MEGF6: variants seen among roughly 807,000 people sequenced by gnomAD.
MEGF6 encodes multiple epidermal growth factor-like domains protein 6.
A neutral mutation model predicts 207.1 loss-of-function variants in MEGF6; 184 were observed. The observed-to-expected ratio is 0.89, with a 90% CI of 0.79 to 1.00. The LOEUF is 1.00. Among genes scored for constraint, MEGF6 ranks in the 50% least tolerant of loss-of-function variants. MEGF6 has a pLI of 0.00. For synonymous variants in MEGF6, 1,038 were observed against 910.0 expected (o/e 1.14, Z -2.53); for missense variants, 2,282 against 2,202.9 (o/e 1.04, Z -0.72).
At chr1:3,612,619 G>A (rs1028860955), upstream of MEGF6, among the ~76,000 whole-genome samples, 2 of 152,156 alleles carry the variant, frequency 1.3e-5, no homozygotes, top group Non-Finnish European at 2.9e-5. Flanking sequence ...AGAGAGGTGC[G>A]CTGACCATCA....
chr1:3,561,695 A>G (rs1643207227), intron 4 of MEGF6, among the ~76,000 whole-genome samples: 1 of 152,214 alleles, frequency 6.6e-6, no homozygotes, highest in South Asian at 2.1e-4. Flanking sequence ...CCTCTTCCAG[A>G]AACGCAGAAG....
intron 2 of MEGF6, among the ~76,000 whole-genome samples, chr1:3,600,091 G>A (rs898479563): frequency 2.0e-5 from 3 of 152,124 alleles, no homozygotes; most frequent in Non-Finnish European, 4.4e-5. Context: ...CCCCGGCCTG[G>A]GCTGCAGCGC....
At chr1:3,567,751 C>G (rs1539128) in intron 4 of MEGF6, among the ~76,000 whole-genome samples, 58,652 of 152,102 alleles carry the variant, frequency 0.39, 12,298 homozygotes, top group African/African-American at 0.56. Flanking sequence ...GACGCTGCAG[C>G]GACCTTGAAG....
In MEGF6 at chr1:3,559,204, G is replaced by A. The variant is rs185134815; in HGVS notation, c.481+20621C>T. 1.3e-3 allele frequency among the ~76,000 whole-genome samples: 199 copies of A among 152,262 alleles called. 3 individuals carry two copies. The highest frequency in any genetic ancestry group is 4.3e-3 in the African/African-American group (180 of 41,542). On this transcript the variant is annotated intron_variant, in intron 4 of 36. Coordinates refer to ENST00000356575, the MANE Select transcript of MEGF6 (RefSeq NM_001409.4). ...CCTCTGCAGTGCACTAAGGCCATTC[G>A]GCATGGCAGCCACTTGCCCCGTCCT... is the stretch of plus-strand genomic sequence containing the variant.
At chr1:3,506,496 T>TCACGCCC (rs1268828062) in intron 14 of MEGF6, among the ~76,000 whole-genome samples, 1 of 152,192 alleles carries the variant, frequency 6.6e-6, no homozygotes, top group South Asian at 2.1e-4. Context: ...TGCACAAAGC[T>TCACGCCC]CACGCCCCAC....
intron 1 of MEGF6, among the ~76,000 whole-genome samples, chr1:3,610,077 A>T (rs1033088012): frequency 1.3e-5 from 2 of 152,262 alleles, no homozygotes; most frequent in Non-Finnish European, 2.9e-5. Flanking sequence ...TCCCGCCGTC[A>T]TGTGGAGTCA....
intron 24 of MEGF6, 62 bp downstream of exon 24, chr1:3,499,076 A>G (rs1640737744): frequency 6.4e-7 from 1 of 1,574,676 alleles, no homozygotes. Flanking sequence ...TGGGCCCTGC[A>G]AGAGGCCAGC....
chr1:3,518,372 C>T (rs1483451172), intron 5 of MEGF6, among the ~76,000 whole-genome samples: 1 of 152,220 alleles, frequency 6.6e-6, no homozygotes, highest in African/African-American at 2.4e-5. Context: ...CAATTCCAAC[C>T]TCTGCCAGCA....
At chr1:3,581,178 C>A (rs2101760747) in intron 3 of MEGF6, among the ~76,000 whole-genome samples, 1 of 152,308 alleles carries the variant, frequency 6.6e-6, no homozygotes, top group Non-Finnish European at 1.5e-5. Flanking sequence ...TGCCCAAGGC[C>A]AGCACCCAAA....
intron 34 of MEGF6, chr1:3,493,417 G>A: frequency 2.9e-6 from 1 of 344,674 alleles, no homozygotes. Context: ...CTCAGGTGGG[G>A]CCCTCTGGGC....
chr1:3,538,020 C>A (rs992423097), intron 4 of MEGF6, among the ~76,000 whole-genome samples: 1 of 152,182 alleles, frequency 6.6e-6, no homozygotes, highest in African/African-American at 2.4e-5. Context: ...GACAGCATGG[C>A]CCAGAAGGTA....
At chr1:3,614,225 T>C (rs1408527077), upstream of MEGF6, among the ~76,000 whole-genome samples, 1 of 152,110 alleles carries the variant, frequency 6.6e-6, no homozygotes, top group Non-Finnish European at 1.5e-5. Context: ...TGCCCCTATA[T>C]CTCACCCCCT....
chr1:3,611,157 G>T lies in MEGF6; in HGVS notation c.112C>A (p.Leu38Ile). The change falls in exon 1 of 37, where the codon CTC (leucine) becomes ATC (isoleucine). Residue 38 changes from leucine to isoleucine, a missense_variant. Transcript: ENST00000356575. ...VGASVPPRPL[L>I]PLQPGMPHVC... is the part of the protein sequence containing the mutation. ...ACTCACATGCCGGGCTGCAGCGGGAGCAGGGGCCGCGGCGGAACGCTGGCG... is the reference window on the plus strand; with the variant it reads ...ACTCACATGCCGGGCTGCAGCGGGATCAGGGGCCGCGGCGGAACGCTGGCG... 6.5e-7 allele frequency: 1 copy of T among 1,530,660 alleles called. No individual in the cohort carries two copies. The highest frequency in any genetic ancestry group is 8.7e-7 in the Non-Finnish European group (1 of 1,147,988). The allele number at this position is 1,530,660 out of a possible 1,614,324, so 94.8% of individuals were successfully genotyped here.
chr1:3,558,875 T>C (rs891910207), intron 4 of MEGF6, among the ~76,000 whole-genome samples: 2 of 152,104 alleles, frequency 1.3e-5, no homozygotes, highest in South Asian at 4.2e-4. Flanking sequence ...CAATTTTTTT[T>C]TAAATTGGTT....
chr1:3,571,681 T>C (rs1643497924), intron 4 of MEGF6, among the ~76,000 whole-genome samples: 1 of 138,454 alleles, frequency 7.2e-6, no homozygotes, highest in Admixed American at 6.9e-5. Context: ...CTGCATATGC[T>C]GGTTCCTTCC....
rs776785263 is a variant in MEGF6 at position 3,509,092 on chromosome 1, G to C, written c.1511C>G (p.Thr504Arg). Residue 504 changes from threonine (T) to arginine (R), a missense_variant, in exon 12 of 37, where the codon ACG becomes AGG. Thr to Arg is a moderately conservative substitution (Grantham distance 71). Transcript: ENST00000356575. ...EEEAELRGEH[T>R]LTEKFVCLDD... The stretch of plus-strand genomic sequence containing the variant: ...GCGCTCACCAAACTTCTCTGTGAGC[G>C]TGTGTTCGCCCCGCAACTCTGCCTC... 1 of 1,595,998 alleles carries C rather than the reference G, an allele frequency of 6.3e-7. No individual in the cohort carries two copies. Among genetic ancestry groups the C allele is most frequent in the Non-Finnish European group, 8.5e-7 (1 of 1,172,580 alleles).
At chr1:3,610,639 G>A (rs1293514929) in intron 1 of MEGF6, among the ~76,000 whole-genome samples, 1 of 152,266 alleles carries the variant, frequency 6.6e-6, no homozygotes, top group Non-Finnish European at 1.5e-5. Flanking sequence ...CTGGCACTCA[G>A]TTCCTTCTCC....
the MEGF6 span, among the ~76,000 whole-genome samples, chr1:3,620,677 G>T: frequency 6.6e-6 from 1 of 152,252 alleles, no homozygotes; most frequent in African/African-American, 2.4e-5. Flanking sequence ...GGGTCAGTGG[G>T]TCTTTCTCCC....
chr1:3,614,362 G>A (rs564393339), upstream of MEGF6, among the ~76,000 whole-genome samples: 1,649 of 152,314 alleles, frequency 0.011, 31 homozygotes, highest in African/African-American at 0.038. Context: ...CAAAGAGGGT[G>A]CCTAGACTTG....
Sources: allele counts gnomAD v4.1 joint callset (sites outside exome capture counted in the v4.1 genomes callset), GRCh38; gene constraint gnomAD v4.1.1; transcripts MANE v1.5; gene names NCBI Gene and HGNC (gene_info 2026-07-23, HGNC 2026-07-21).